PSD3: variants seen among roughly 807,000 people sequenced by gnomAD.
PSD3 encodes the protein pleckstrin and Sec7 domain containing 3.
In PSD3, 49 loss-of-function variants were observed where a neutral mutation model predicts 105.5. The observed-to-expected ratio is 0.46, with a 90% confidence interval of 0.37 to 0.59. PSD3 has a LOEUF of 0.59. Among genes scored for constraint, PSD3 ranks in the 20% least tolerant of loss-of-function variants. The pLI is 0.00. For synonymous variants in PSD3, 557 were observed against 457.8 expected (o/e 1.22, Z -2.77); for missense variants, 1,561 against 1,263.8 (o/e 1.24, Z -3.57).
At chr8:18,680,419 G>C (rs1563166686) in intron 9 of PSD3, among the ~76,000 whole-genome samples, 1 of 152,152 alleles carries the variant, frequency 6.6e-6, no homozygotes. Flanking sequence ...CAACCAGCTG[G>C]ATCTGACAGC....
chr8:18,951,942 C>A lies in PSD3; in HGVS notation c.22-15800G>T, dbSNP rs149556093. ...CCAGATCACACCAGTGCACCCCAGC[C>A]TGGGCAACAAGAGCAAAACTCTGTC... On this transcript the variant is annotated intron_variant, in intron 1 of 15. Transcript: ENST00000327040. Among the ~76,000 whole-genome samples the A allele has an allele frequency of 1.6e-3, 247 of 152,250 alleles. 3 individuals are homozygous for A. The highest frequency in any genetic ancestry group is 0.015 in the Admixed American group (226 of 15,280).
At chr8:18,892,626 C>CTT (rs111896561) in intron 2 of PSD3, among the ~76,000 whole-genome samples, 6,218 of 133,052 alleles carry the variant, frequency 0.047, 191 homozygotes, top group South Asian at 0.082. Context: ...TCCTAATTTT[C>CTT]TTTTTTTTTT....
intron 15 of PSD3, among the ~76,000 whole-genome samples, chr8:18,550,261 T>C (rs1489501671): frequency 6.6e-6 from 1 of 152,246 alleles, no homozygotes; most frequent in Admixed American, 6.5e-5. Flanking sequence ...CAAAGAATCC[T>C]GTTGCTAGGC....
chr8:18,551,656 C>T (rs1282939972), intron 15 of PSD3, among the ~76,000 whole-genome samples: 1 of 152,202 alleles, frequency 6.6e-6, no homozygotes, highest in Non-Finnish European at 1.5e-5. Flanking sequence ...ATATGCTACT[C>T]TGGGTCGCAA....
At chr8:18,621,758 G>T (rs1473371554) in intron 11 of PSD3, among the ~76,000 whole-genome samples, 2 of 152,120 alleles carry the variant, frequency 1.3e-5, no homozygotes, top group South Asian at 4.1e-4. Context: ...CCTTAGCCTA[G>T]TTTTAAAATA....
intron 1 of PSD3, among the ~76,000 whole-genome samples, chr8:18,994,791 C>G (rs1040324158): frequency 6.6e-6 from 1 of 151,514 alleles, no homozygotes. Context: ...AGCACCCATA[C>G]AGAAGATCCT....
In PSD3 at chr8:18,605,606, A is replaced by G. The variant is rs1585365624; in HGVS notation, c.2411-5172T>C. 2.0e-5 allele frequency among the ~76,000 whole-genome samples: 3 copies of G among 152,236 alleles called. 1 individual carries two copies. In the Middle Eastern group the frequency reaches 0.01, roughly 518 times the overall value. ...GCATGATTGTATTTTGCCATGTGAG[A>G]AGGACATGATATTTGGGAGGGGCCT... is the stretch of plus-strand genomic sequence containing the variant. On this transcript the variant is annotated intron_variant, in intron 11 of 15. Transcript: ENST00000327040.
intron 1 of PSD3, among the ~76,000 whole-genome samples, chr8:19,081,169 T>G (rs1344475679): frequency 2.0e-5 from 3 of 152,070 alleles, no homozygotes; most frequent in Non-Finnish European, 4.4e-5. Context: ...ACCACAGAAA[T>G]GTTAGAGCCG....
chr8:19,052,200 A>G (rs1828552691), intron 1 of PSD3, among the ~76,000 whole-genome samples: 2 of 152,302 alleles, frequency 1.3e-5, no homozygotes, highest in South Asian at 4.1e-4. Flanking sequence ...GTGGCCGGGC[A>G]CGGTGGCTCA....
chr8:18,750,697 G>A lies in PSD3; in HGVS notation c.2172+14752C>T, dbSNP rs193055994. On this transcript the variant is annotated intron_variant, in intron 9 of 15. Transcript: ENST00000327040. ...CTGTTTTGACAGGGCGCTGAGTGGT[G>A]CGTTTACAATCCCGGAGCTAGATAC... Among the ~76,000 whole-genome samples, 765 of 152,078 alleles carry A rather than the reference G, an allele frequency of 5.0e-3. 9 individuals are homozygous for A. Among genetic ancestry groups the A allele is most frequent in the African/African-American group, 0.018 (743 of 41,490 alleles).
At chr8:18,868,677 G>T (rs1467757535) in intron 3 of PSD3, among the ~76,000 whole-genome samples, 1 of 152,196 alleles carries the variant, frequency 6.6e-6, no homozygotes, top group African/African-American at 2.4e-5. Context: ...AGCTTTGAGA[G>T]ATTAGAAACA....
intron 2 of PSD3, among the ~76,000 whole-genome samples, chr8:18,879,284 A>T (rs1817958659): frequency 1.3e-5 from 2 of 152,084 alleles, no homozygotes; most frequent in Non-Finnish European, 2.9e-5. Flanking sequence ...GTCAAAGAAA[A>T]CGAGGTCAGA....
In PSD3 at chr8:18,639,150, A is replaced by G. The variant is rs187834569; in HGVS notation, c.2217-6344T>C. On this transcript the variant is annotated intron_variant, in intron 10 of 15. Coordinates refer to ENST00000327040, the MANE Select transcript of PSD3 (RefSeq NM_015310.4). The stretch of plus-strand genomic sequence containing the variant: ...CACTCTCTTCCTTGCATCCCAAGAG[A>G]GGGAGTAAGTAATTGGGCTGCTTCC... Among the ~76,000 whole-genome samples, 143 of 152,300 alleles carry G rather than the reference A, an allele frequency of 9.4e-4. 1 individual carries two copies. Among genetic ancestry groups the G allele is most frequent in the Non-Finnish European group, 1.5e-3 (102 of 68,012 alleles).
intron 1 of PSD3, among the ~76,000 whole-genome samples, chr8:18,938,116 T>C (rs1291262168): frequency 6.6e-6 from 1 of 152,214 alleles, no homozygotes; most frequent in Non-Finnish European, 1.5e-5. Flanking sequence ...CAGTGATTCA[T>C]TTGCATTTTA....
intron 1 of PSD3, among the ~76,000 whole-genome samples, chr8:18,980,095 T>C (rs1272290606): frequency 6.6e-6 from 1 of 152,220 alleles, no homozygotes; most frequent in Admixed American, 6.5e-5. Context: ...CAATCTCATA[T>C]GGAAATCAAA....
At chr8:18,555,116 G>A (rs1418552484) in intron 15 of PSD3, among the ~76,000 whole-genome samples, 3 of 151,988 alleles carry the variant, frequency 2.0e-5, no homozygotes, top group Non-Finnish European at 4.4e-5. Flanking sequence ...GAGGAATGCC[G>A]TCATCTGGGT....
chr8:18,857,346 G>A (rs773503656), intron 4 of PSD3, among the ~76,000 whole-genome samples: 8 of 152,110 alleles, frequency 5.3e-5, no homozygotes, highest in Non-Finnish European at 1.2e-4. Flanking sequence ...AATTTTGCTC[G>A]AGCAGGTCCA....
At position 18,853,205 on chromosome 8, in the gene PSD3, C is replaced by G. The variant is rs1268381455; in HGVS notation, c.1634+14469G>C. 5.3e-5 allele frequency among the ~76,000 whole-genome samples: 8 copies of G among 152,066 alleles called. 1 individual carries two copies. The highest frequency in any genetic ancestry group is 1.9e-4 in the African/African-American group (8 of 41,394). Reference sequence around the variant, plus strand: ...CAAAATTGTTATACTGATGGGCTAGCCAGACAAATGGCATTATAAAAATAC... The same window carrying G: ...CAAAATTGTTATACTGATGGGCTAGGCAGACAAATGGCATTATAAAAATAC... On this transcript the variant is annotated intron_variant, in intron 4 of 15. Transcript: ENST00000327040.
intron 11 of PSD3, among the ~76,000 whole-genome samples, chr8:18,620,127 C>G (rs1386936292): frequency 6.6e-6 from 1 of 152,314 alleles, no homozygotes; most frequent in African/African-American, 2.4e-5. Context: ...CAGACAACAG[C>G]TTAACTCTCT....
Sources: gnomAD v4.1 joint callset for allele counts (sites outside exome capture counted in the v4.1 genomes callset) on GRCh38, gnomAD v4.1.1 for gene constraint, MANE v1.5 for transcripts, NCBI Gene and HGNC (gene_info 2026-07-23, HGNC 2026-07-21) for gene names.